C1orf115: variants seen among roughly 807,000 people sequenced by gnomAD.
C1orf115 encodes chromosome 1 open reading frame 115.
A neutral mutation model predicts 12.5 loss-of-function variants in C1orf115; 14 were observed. The ratio of observed to expected loss-of-function variants is 1.12; its 90% CI spans 0.74 to 1.75. The LOEUF (loss-of-function observed/expected upper bound fraction) is 1.75, where lower values mean the gene tolerates loss of function less well. Ranked by LOEUF, C1orf115 falls within the 40% of genes most tolerant of loss-of-function variation. C1orf115 has a pLI of 0.00. For synonymous variants in C1orf115, 109 were observed against 104.6 expected (o/e 1.04, Z -0.26); for missense variants, 237 against 220.8 (o/e 1.07, Z -0.46).
chr1:220,695,871 G>C (rs958322417), intron 1 of C1orf115, among the ~76,000 whole-genome samples: 7 of 152,064 alleles, frequency 4.6e-5, no homozygotes, highest in Non-Finnish European at 1.0e-4. Context: ...GAAGACCATG[G>C]GCAGCCGTGC....
chr1:220,697,946 C>T lies in C1orf115; in HGVS notation c.*1215C>T, dbSNP rs1670218540. The T allele has an allele frequency of 1.3e-5, 2 of 152,516 alleles. No individual in the cohort carries two copies. Among genetic ancestry groups the T allele is most frequent in the African/African-American group, 4.8e-5 (2 of 41,428 alleles). The allele number at this position is 152,516 out of a possible 1,614,324, so 9.4% of individuals were successfully genotyped here. ...ATGAGCTCATTGGCTGCCTTTGTAG[C>T]ATCCTGTCTTCTTCTGTGCTGCCTG... On this transcript the variant is annotated 3_prime_UTR_variant, in exon 2 of 2. Coordinates refer to ENST00000294889, the MANE Select transcript of C1orf115 (RefSeq NM_024709.5). The surrounding 1 kb of genome is among the most constrained non-coding windows in gnomAD (Gnocchi z 4.5).
chr1:220,690,613 T>G lies in C1orf115; in HGVS notation c.211T>G (p.Phe71Val), dbSNP rs574239920. The G allele has an allele frequency of 6.5e-7, 1 of 1,540,812 alleles. No individual in the cohort carries two copies. The highest frequency in any genetic ancestry group is 1.2e-5 in the South Asian group (1 of 83,930). The change falls in exon 1 of 2, where the codon TTC becomes GTC. Residue 71 changes from phenylalanine to valine, a missense_variant. By Grantham distance (50) the Phe-to-Val change is conservative (BLOSUM62 -1). Coordinates refer to ENST00000294889, the MANE Select transcript of C1orf115 (RefSeq NM_024709.5). ...PGTRGARRVH[F>V]ALLPERYEPL... is the part of the protein sequence containing the mutation. ...GACCCGGGGCGCGCGGAGGGTGCAC[T>G]TCGCCCTCCTGCCCGAGCGCTACGA...
chr1:220,690,569 CGGACGA>C lies in C1orf115; in HGVS notation c.169_174del (p.Asp57_Glu58del). The C allele has an allele frequency of 6.7e-7, 1 of 1,484,438 alleles. No homozygotes were observed. The highest frequency in any genetic ancestry group is 1.5e-5 in the African/African-American group (1 of 67,802). 92.0% of individuals were successfully genotyped at this position (1,484,438 alleles called of 1,614,324 possible). A position where few individuals can be genotyped will look rare whatever the true frequency, so the allele number is the denominator to read the frequency against. On this transcript the variant is annotated inframe_deletion, in exon 1 of 2. Transcript: ENST00000294889. The stretch of plus-strand genomic sequence containing the variant: ...GCGGCCGAGAGCGGGACGAGCGCGG[CGGACGA>C]GCGGGGCCCGGGGACCCGGGGCGCG...
At position 220,690,665 on chromosome 1, in the gene C1orf115, A is replaced by T. The variant is rs371317519; in HGVS notation, c.263A>T (p.Glu88Val). The change falls in exon 1 of 2, where the codon GAG (glutamate) becomes GTG (valine). Residue 88 changes from glutamate (E) to valine (V), a missense_variant. Coordinates refer to ENST00000294889, the MANE Select transcript of C1orf115 (RefSeq NM_024709.5). Reference protein sequence around the residue: ...YEPLEEPAPSEQPRKRYRRKL... With the variant: ...YEPLEEPAPSVQPRKRYRRKL... ...CCACTGGAGGAGCCGGCGCCGAGCG[A>T]GCAGCCCAGGAAGAGGTACCGGAGG... 2 of 1,594,890 alleles carry T rather than the reference A, an allele frequency of 1.3e-6. No homozygotes were observed. Among genetic ancestry groups the T allele is most frequent in the Non-Finnish European group, 1.7e-6 (2 of 1,172,256 alleles).
At chr1:220,694,809 A>T (rs1461519213) in intron 1 of C1orf115, among the ~76,000 whole-genome samples, 1 of 152,232 alleles carries the variant, frequency 6.6e-6, no homozygotes, top group Non-Finnish European at 1.5e-5. Context: ...ACTTGTAGTC[A>T]TTAGAAATGG....
intron 1 of C1orf115, among the ~76,000 whole-genome samples, chr1:220,696,275 T>C (rs1004907486): frequency 1.5e-4 from 23 of 152,234 alleles, no homozygotes; most frequent in African/African-American, 5.3e-4. Flanking sequence ...GAGTGATCTT[T>C]GGTTTAAAAA....
At chr1:220,690,757 T>A (rs1670090033) in intron 1 of C1orf115, 46 bp downstream of exon 1, 1 of 1,539,538 alleles carries the variant, frequency 6.5e-7, no homozygotes. Flanking sequence ...GGGTGTGGTG[T>A]CCCGCGGGGG....
In C1orf115 at chr1:220,697,861, C is replaced by G. The variant is rs565588604; in HGVS notation, c.*1130C>G. The stretch of plus-strand genomic sequence containing the variant: ...GAGTTCAGGTAGGCTGGGCCTGTGC[C>G]TCTAGGTAGGGACAAGGGAGGCTGG... On this transcript the variant is annotated 3_prime_UTR_variant, in exon 2 of 2. Coordinates refer to ENST00000294889, the MANE Select transcript of C1orf115 (RefSeq NM_024709.5). This position sits in a 1 kb window ranked among gnomAD's most constrained non-coding sequence, Gnocchi z 4.5. The G allele has an allele frequency of 3.0e-3, 453 of 153,040 alleles. 1 individual carries two copies. The highest frequency in any genetic ancestry group is 4.9e-3 in the Non-Finnish European group (338 of 68,550). 9.5% of individuals were successfully genotyped at this position (153,040 alleles called of 1,614,324 possible).
At position 220,696,752 on chromosome 1, in the gene C1orf115, GC is replaced by G; in HGVS notation, c.*26del. The stretch of plus-strand genomic sequence containing the variant: ...GCTAATGGGAGCTGCTGTGGCAGGT[GC>G]CCCCAGAGTGAACGGGAGCCCCTGC... On this transcript the variant is annotated 3_prime_UTR_variant, in exon 2 of 2. Transcript: ENST00000294889. 6.4e-7 allele frequency: 1 copy of G among 1,568,016 alleles called. No homozygotes were observed. The highest frequency in any genetic ancestry group is 1.1e-5 in the South Asian group (1 of 87,410).
rs758478552 is a variant in C1orf115 at position 220,690,476 on chromosome 1, G to A, written c.74G>A (p.Arg25Gln). The A allele has an allele frequency of 1.0e-4, 145 of 1,439,396 alleles. No homozygotes were observed. The highest frequency in any genetic ancestry group is 1.3e-4 in the Non-Finnish European group (138 of 1,103,474). The allele number at this position is 1,439,396 out of a possible 1,614,324, so 89.2% of individuals were successfully genotyped here. The part of the protein sequence containing the change: ...LLRRGPRGRG[R>Q]TEGDEEAAAI... ...CGCCGCGGGCCCCGAGGGCGAGGGC[G>A]AACCGAGGGGGACGAGGAGGCGGCC... Residue 25 changes from arginine to glutamine, a missense_variant, in exon 1 of 2, where the codon CGA becomes CAA. Arg to Gln is a conservative substitution (Grantham distance 43, BLOSUM62 1). Coordinates refer to ENST00000294889, the MANE Select transcript of C1orf115 (RefSeq NM_024709.5).
At chr1:220,694,345 C>T (rs1383640684) in intron 1 of C1orf115, among the ~76,000 whole-genome samples, 1 of 152,142 alleles carries the variant, frequency 6.6e-6, no homozygotes, top group African/African-American at 2.4e-5. Flanking sequence ...TCTTAACAAC[C>T]CAATGAGGTG....
At position 220,698,491 on chromosome 1, in the gene C1orf115, G is replaced by A. The variant is rs1479341369; in HGVS notation, c.*1760G>A. 3.9e-5 allele frequency: 6 copies of A among 152,244 alleles called. No individual in the cohort carries two copies. The highest frequency in any genetic ancestry group is 1.2e-4 in the African/African-American group (5 of 41,464). The allele number at this position is 152,244 out of a possible 1,614,324, so 9.4% of individuals were successfully genotyped here. ...GTGGATATGGCACATTTTCACACACGTGAGATAATTACAGCTTGCCCCACA... is the reference window on the plus strand; with the variant it reads ...GTGGATATGGCACATTTTCACACACATGAGATAATTACAGCTTGCCCCACA... On this transcript the variant is annotated 3_prime_UTR_variant, in exon 2 of 2. Transcript: ENST00000294889.
chr1:220,697,515 G>A lies in C1orf115; in HGVS notation c.*784G>A, dbSNP rs1053689318. Reference sequence around the variant, plus strand: ...TCTTCTGCCTGGCATTGCCCACTTCGGCCCAGCCACGTGTTTGCAGCGACC... The same window carrying A: ...TCTTCTGCCTGGCATTGCCCACTTCAGCCCAGCCACGTGTTTGCAGCGACC... On this transcript the variant is annotated 3_prime_UTR_variant, in exon 2 of 2. Coordinates refer to ENST00000294889, the MANE Select transcript of C1orf115 (RefSeq NM_024709.5). The surrounding 1 kb of genome is among the most constrained non-coding windows in gnomAD (Gnocchi z 4.5). 3.3e-5 allele frequency: 5 copies of A among 152,188 alleles called. No homozygotes were observed. Among genetic ancestry groups the A allele is most frequent in the African/African-American group, 9.7e-5 (4 of 41,430 alleles). The allele number at this position is 152,188 out of a possible 1,614,324, so 9.4% of individuals were successfully genotyped here.
In C1orf115 at chr1:220,690,519, G is replaced by A. The variant is rs549438764; in HGVS notation, c.117G>A (p.Leu39=). Residue 39 remains leucine (L), a synonymous_variant, in exon 1 of 2, where the codon CTG becomes CTA. Transcript: ENST00000294889. Reference sequence around the variant, plus strand: ...AGGCGGCCGCCATCCTGGAGCACCTGGAGTACGCGGACGAGGCGGAGGCGG... The same window carrying A: ...AGGCGGCCGCCATCCTGGAGCACCTAGAGTACGCGGACGAGGCGGAGGCGG... ...DEEAAAILEH[L]EYADEAEAAA... 3.5e-4 allele frequency: 506 copies of A among 1,441,252 alleles called. No individual in the cohort carries two copies. Among genetic ancestry groups the A allele is most frequent in the Non-Finnish European group, 4.5e-4 (495 of 1,103,712 alleles). 89.3% of individuals were successfully genotyped at this position (1,441,252 alleles called of 1,614,324 possible).
At chr1:220,692,197 T>C (rs1260012636) in intron 1 of C1orf115, among the ~76,000 whole-genome samples, 2 of 152,192 alleles carry the variant, frequency 1.3e-5, no homozygotes, top group Admixed American at 1.3e-4. Flanking sequence ...CTGGTGGGAA[T>C]GTAAAATGGG....
chr1:220,690,623 T>G lies in C1orf115; in HGVS notation c.221T>G (p.Leu74Arg), dbSNP rs1457555817. 6.4e-7 allele frequency: 1 copy of G among 1,553,252 alleles called. No individual in the cohort carries two copies. Among genetic ancestry groups the G allele is most frequent in the Non-Finnish European group, 8.7e-7 (1 of 1,153,006 alleles). ...GCGCGGAGGGTGCACTTCGCCCTCC[T>G]GCCCGAGCGCTACGAGCCACTGGAG... ...RGARRVHFALLPERYEPLEEP... is the reference protein window; with the variant it reads ...RGARRVHFALRPERYEPLEEP... The change falls in exon 1 of 2, where the codon CTG becomes CGG. Residue 74 changes from leucine (L) to arginine (R), a missense_variant. Leu to Arg is a moderately radical substitution (Grantham distance 102). Transcript: ENST00000294889.
intron 1 of C1orf115, among the ~76,000 whole-genome samples, chr1:220,695,367 G>A (rs925293226): frequency 1.3e-5 from 2 of 152,114 alleles, no homozygotes; most frequent in African/African-American, 4.8e-5. Context: ...AGTATCAAGG[G>A]AATGGCTTGG....
rs927470857 is a variant in C1orf115 at position 220,698,287 on chromosome 1, AAGAC to A, written c.*1564_*1567del. ...ATCAAGCCCTACCAAGACAGACAGA[AAGAC>A]AGACAGAAAAAAGGAAGGGGTAGAG... On this transcript the variant is annotated 3_prime_UTR_variant, in exon 2 of 2. Coordinates refer to ENST00000294889, the MANE Select transcript of C1orf115 (RefSeq NM_024709.5). 3 of 152,396 alleles carry A rather than the reference AAGAC, an allele frequency of 2.0e-5. No homozygotes were observed. Among genetic ancestry groups the A allele is most frequent in the South Asian group, 4.1e-4 (2 of 4,820 alleles). The allele number at this position is 152,396 out of a possible 1,614,324, so 9.4% of individuals were successfully genotyped here. A position where few individuals can be genotyped will look rare whatever the true frequency, so the allele number is the denominator to read the frequency against.
intron 1 of C1orf115, 62 bp from the exon 2 acceptor site, chr1:220,696,550 T>G: frequency 6.8e-7 from 1 of 1,479,922 alleles, no homozygotes. Context: ...TCATGAAAGA[T>G]GGCAGAATTA....
Sources: allele counts gnomAD v4.1 joint callset (sites outside exome capture counted in the v4.1 genomes callset), GRCh38; gene constraint gnomAD v4.1.1; non-coding constraint Gnocchi (gnomAD v3.1); transcripts MANE v1.5; gene names NCBI Gene and HGNC (gene_info 2026-07-23, HGNC 2026-07-21).